ZDHHC1: variants seen among roughly 807,000 people sequenced by gnomAD.
The protein encoded by ZDHHC1 is palmitoyltransferase ZDHHC1.
In ZDHHC1, 45 loss-of-function variants were observed where a neutral mutation model predicts 46.9. The ratio of observed to expected loss-of-function variants is 0.96; its 90% CI spans 0.76 to 1.23. The LOEUF is 1.23. Among genes scored for constraint, ZDHHC1 ranks in the 50% most tolerant of loss-of-function variants. The probability of loss-of-function intolerance (pLI) is 0.00; values close to 1 mark genes in which losing one functional copy is unlikely to be tolerated. For missense variants in ZDHHC1, 649 were observed against 670.8 expected, an observed-to-expected ratio of 0.97 and a Z score of 0.36; for synonymous variants, 291 against 286.0, an observed-to-expected ratio of 1.02 and a Z score of -0.18.
intron 1 of ZDHHC1, among the ~76,000 whole-genome samples, chr16:67,410,672 ATTG>A (rs1280712998): frequency 4.2e-5 from 6 of 143,316 alleles, no homozygotes; most frequent in African/African-American, 1.1e-4. Context: ...TATTATTATT[ATTG>A]TTATTATTTA....
At chr16:67,403,998 G>C (rs777468233) in intron 3 of ZDHHC1, among the ~76,000 whole-genome samples, 25 of 152,178 alleles carry the variant, frequency 1.6e-4, no homozygotes, top group Non-Finnish European at 3.2e-4. Context: ...TTTTTGGAAA[G>C]AGCAGGAATG....
At chr16:67,411,223 G>C (rs1044298542) in intron 1 of ZDHHC1, among the ~76,000 whole-genome samples, 2 of 152,164 alleles carry the variant, frequency 1.3e-5, no homozygotes, top group Non-Finnish European at 2.9e-5. Context: ...CTACCTGAGG[G>C]CTTCAGAATC....
chr16:67,407,652 A>C, intron 2 of ZDHHC1, 115 bp downstream of exon 2: 1 of 739,078 alleles, frequency 1.4e-6, no homozygotes. Context: ...GACGCTTTGC[A>C]ATCCTCATGT....
chr16:67,401,162 C>T lies in ZDHHC1; in HGVS notation c.253-30G>A, dbSNP rs2040547115. The T allele has an allele frequency of 6.2e-7, 1 of 1,608,744 alleles. No homozygotes were observed. Among genetic ancestry groups the T allele is most frequent in the South Asian group, 1.1e-5 (1 of 90,618 alleles). ...CCCAGCAGGTTAAAGACTCACTCCA[C>T]TCTGCCGGCTGGGAGTCCTGCCCCG... On this transcript the variant is annotated intron_variant, in intron 3 of 11. Transcript: ENST00000565726. This position sits in a 1 kb window ranked among gnomAD's most constrained non-coding sequence, Gnocchi z 4.6.
At chr16:67,403,729 C>A (rs1425097429) in intron 3 of ZDHHC1, among the ~76,000 whole-genome samples, 1 of 152,164 alleles carries the variant, frequency 6.6e-6, no homozygotes, top group African/African-American at 2.4e-5. Context: ...ATTCTCCAGC[C>A]TGAGCCTCCC....
chr16:67,398,586 G>A lies in ZDHHC1; in HGVS notation c.801C>T (p.Phe267=), dbSNP rs2040479198. Residue 267 remains phenylalanine (F), a synonymous_variant, in exon 7 of 12, where the codon TTC becomes TTT. Coordinates refer to ENST00000565726, the MANE Select transcript of ZDHHC1 (RefSeq NM_001323627.2). ...GGAGGCACTTACTGAGATAAATGTG[G>A]AAGCAGAGCAGGTGCCCCAGGAGGG... ...STALLGHLLC[F]HIYLMWHKLT... is the part of the protein sequence containing the mutation. The A allele has an allele frequency of 3.7e-6, 6 of 1,602,044 alleles. No individual in the cohort carries two copies. The highest frequency in any genetic ancestry group is 5.1e-6 in the Non-Finnish European group (6 of 1,176,102).
At chr16:67,404,082 G>C (rs1022453374) in intron 3 of ZDHHC1, 2 of 152,498 alleles carry the variant, frequency 1.3e-5, no homozygotes, top group Non-Finnish European at 2.9e-5. Flanking sequence ...AGGGAAGAGA[G>C]GCAGTTGGCA....
chr16:67,395,615 G>C, intron 8 of ZDHHC1, 49 bp from the exon 9 acceptor site: 5 of 1,519,514 alleles, frequency 3.3e-6, no homozygotes, highest in Non-Finnish European at 4.5e-6. Flanking sequence ...TGTGGCTCCC[G>C]AGCCTGCTGA....
intron 1 of ZDHHC1, among the ~76,000 whole-genome samples, chr16:67,415,529 G>A (rs1227796519): frequency 6.6e-6 from 1 of 152,092 alleles, no homozygotes; most frequent in Non-Finnish European, 1.5e-5. Context: ...GGCCGAGGCG[G>A]GTGGATCACC....
Position 67,398,849 on chromosome 16 carries a change from A to G in ZDHHC1, c.626T>C (p.Met209Thr), listed in dbSNP as rs1411430991. 3.1e-6 allele frequency: 5 copies of G among 1,613,062 alleles called. No homozygotes were observed. Among genetic ancestry groups the G allele is most frequent in the East Asian group, 2.2e-5 (1 of 44,844 alleles). The change falls in exon 6 of 12, where the codon ATG becomes ACG. Residue 209 changes from methionine to threonine, a missense_variant. Physicochemically the swap from Met to Thr is moderately conservative, Grantham distance 81. Coordinates refer to ENST00000565726, the MANE Select transcript of ZDHHC1 (RefSeq NM_001323627.2). ...AAAGTGTCGGTTGGTGCGCAGACGC[A>G]TGGGGTTGACAAAGAACTCCACGAA... Reference protein sequence around the residue: ...YVFVEFFVNPMRLRTNRHFEV... With the variant: ...YVFVEFFVNPTRLRTNRHFEV...
chr16:67,401,025 G>T lies in ZDHHC1; in HGVS notation c.360C>A (p.Pro120=), dbSNP rs374726169. ...VRDKSYAGPL[P]IFNRSQHAHV... Reference sequence around the variant, plus strand: ...GTGCGTGCTGGCTTCGGTTGAAGATGGGCAGGGGCCCCGCATAGCTCTTGT... The same window carrying T: ...GTGCGTGCTGGCTTCGGTTGAAGATTGGCAGGGGCCCCGCATAGCTCTTGT... The change falls in exon 4 of 12, where the codon CCC becomes CCA. Residue 120 remains proline (P), a synonymous_variant. Coordinates refer to ENST00000565726, the MANE Select transcript of ZDHHC1 (RefSeq NM_001323627.2). This position sits in a 1 kb window ranked among gnomAD's most constrained non-coding sequence, Gnocchi z 4.6. 60 of 1,614,042 alleles carry T rather than the reference G, an allele frequency of 3.7e-5. No homozygotes were observed. Among genetic ancestry groups the T allele is most frequent in the Non-Finnish European group, 4.8e-5 (57 of 1,180,040 alleles).
At chr16:67,395,126 G>A (rs771727061) in intron 10 of ZDHHC1, 61 bp downstream of exon 10, 1 of 1,613,208 alleles carries the variant, frequency 6.2e-7, no homozygotes, top group Non-Finnish European at 8.5e-7. Flanking sequence ...CGAGCGCCAG[G>A]GTAGAGGCTT....
Position 67,398,291 on chromosome 16 carries a change from A to C in ZDHHC1, c.848T>G (p.Val283Gly). Residue 283 changes from valine (V) to glycine (G), a missense_variant, in exon 8 of 12, where the codon GTG (valine) becomes GGG (glycine). Coordinates refer to ENST00000565726, the MANE Select transcript of ZDHHC1 (RefSeq NM_001323627.2). ...GGCCTCCTGTGGTGGGCGGTGCTGCACGATGTACTCATAGGTGGTGAGCTT... is the reference window on the plus strand; with the variant it reads ...GGCCTCCTGTGGTGGGCGGTGCTGCCCGATGTACTCATAGGTGGTGAGCTT... Reference protein sequence around the residue: ...WHKLTTYEYIVQHRPPQEAKG... With the variant: ...WHKLTTYEYIGQHRPPQEAKG... 1 of 1,614,040 alleles carries C rather than the reference A, an allele frequency of 6.2e-7. No homozygotes were observed. The highest frequency in any genetic ancestry group is 1.6e-4 in the Middle Eastern group (1 of 6,062).
chr16:67,396,201 C>T (rs552311657), intron 8 of ZDHHC1: 1 of 152,486 alleles, frequency 6.6e-6, no homozygotes, highest in African/African-American at 2.4e-5. Flanking sequence ...GCAGACGCGA[C>T]CCCTGAGAGC....
intron 1 of ZDHHC1, among the ~76,000 whole-genome samples, chr16:67,415,721 G>A (rs2040824093): frequency 1.3e-5 from 2 of 151,688 alleles, no homozygotes; most frequent in African/African-American, 4.8e-5. Flanking sequence ...GTGCCACTGC[G>A]CTCCATCCAG....
intron 2 of ZDHHC1, 46 bp downstream of exon 2, chr16:67,407,721 C>T (rs1263722624): frequency 1.3e-6 from 1 of 780,574 alleles, no homozygotes; most frequent in Non-Finnish European, 2.4e-6. Flanking sequence ...GGGGTTTATT[C>T]ATCTCTGTCC....
chr16:67,395,127 G>A (rs772785076), intron 10 of ZDHHC1, 60 bp downstream of exon 10: 1 of 1,613,198 alleles, frequency 6.2e-7, no homozygotes, highest in East Asian at 2.2e-5. Context: ...GAGCGCCAGG[G>A]TAGAGGCTTC....
chr16:67,409,303 C>G (rs556731347), intron 1 of ZDHHC1, among the ~76,000 whole-genome samples: 1 of 151,168 alleles, frequency 6.6e-6, no homozygotes, highest in Non-Finnish European at 1.5e-5. Context: ...CAGGATACCC[C>G]CTGATACTCC....
At chr16:67,397,570 C>A (rs564607302) in intron 8 of ZDHHC1, among the ~76,000 whole-genome samples, 1 of 152,318 alleles carries the variant, frequency 6.6e-6, no homozygotes, top group South Asian at 2.1e-4. Flanking sequence ...AGGGCTCAGC[C>A]TTCCCCCAGC....
Sources: allele counts gnomAD v4.1 joint callset (sites outside exome capture counted in the v4.1 genomes callset), GRCh38; gene constraint gnomAD v4.1.1; non-coding constraint Gnocchi (gnomAD v3.1); transcripts MANE v1.5; gene names NCBI Gene and HGNC (gene_info 2026-07-23, HGNC 2026-07-21).